Variants in PLXNA1 observed in about 807,000 individuals in gnomAD.
PLXNA1 encodes plexin-A1.
In PLXNA1, 77 loss-of-function variants were observed where a neutral mutation model predicts 191.7. The ratio of observed to expected loss-of-function variants is 0.40; its 90% CI spans 0.33 to 0.49. The LOEUF (loss-of-function observed/expected upper bound fraction) is 0.49, where lower values mean the gene tolerates loss of function less well. Ranked by LOEUF, PLXNA1 falls within the 20% of genes least tolerant of loss-of-function variation. The probability of loss-of-function intolerance (pLI) is 0.63; values close to 1 mark genes in which losing one functional copy is unlikely to be tolerated. For synonymous variants in PLXNA1, 1,137 were observed against 1,156.4 expected (o/e 0.98, Z 0.34); for missense variants, 2,110 against 2,660.2 (o/e 0.79, Z 4.55).
intron 3 of PLXNA1, among the ~76,000 whole-genome samples, chr3:127,000,615 T>A (rs1157778778): frequency 6.6e-6 from 1 of 152,160 alleles, no homozygotes; most frequent in Admixed American, 6.5e-5. Context: ...GGGCCCAAGG[T>A]TCCTCTGGCA....
intron 20 of PLXNA1, among the ~76,000 whole-genome samples, chr3:127,019,641 T>C (rs188273038): frequency 1.4e-4 from 22 of 152,348 alleles, no homozygotes; most frequent in African/African-American, 5.3e-4. Context: ...TCCTTTGGCT[T>C]CTGATCAGAT....
chr3:127,017,400 C>G, intron 17 of PLXNA1, 25 bp from the exon 18 acceptor site: 2 of 1,605,676 alleles, frequency 1.2e-6, no homozygotes, highest in Non-Finnish European at 1.7e-6. Flanking sequence ...AGGTCCCGCC[C>G]AGCATCCCCA....
At position 126,991,805 on chromosome 3, in the gene PLXNA1, G is replaced by A. The variant is rs189947736; in HGVS notation, c.1377+239G>A. 1.9e-3 allele frequency among the ~76,000 whole-genome samples: 286 copies of A among 152,312 alleles called. 1 individual carries two copies. Among genetic ancestry groups the A allele is most frequent in the African/African-American group, 6.5e-3 (272 of 41,578 alleles). ...CTAAGCAAGGACACTTTGAGACCAC[G>A]CAGGAGCCTGTGCAGGGGCCCAGGG... On this transcript the variant is annotated intron_variant, in intron 3 of 31. Coordinates refer to ENST00000393409, the MANE Select transcript of PLXNA1 (RefSeq NM_032242.4).
At chr3:127,016,433 TC>T in intron 15 of PLXNA1, 83 bp from the exon 16 acceptor site, 1 of 1,247,204 alleles carries the variant, frequency 8.0e-7, no homozygotes, top group South Asian at 1.3e-5. Flanking sequence ...ATGGCGCTGT[TC>T]CCACCGTCCC....
chr3:127,018,208 TG>T, intron 19 of PLXNA1, 85 bp from the exon 20 acceptor site: 1 of 1,196,252 alleles, frequency 8.4e-7, no homozygotes, highest in Non-Finnish European at 1.2e-6. Context: ...AGGCAGGTGT[TG>T]GGGGTGGGTC....
intron 1 of PLXNA1, among the ~76,000 whole-genome samples, chr3:126,985,117 G>A (rs1028154446): frequency 7.9e-5 from 12 of 152,180 alleles, no homozygotes; most frequent in Admixed American, 7.2e-4. Context: ...GAGGACTTGG[G>A]GGGATTGGAC....
intron 1 of PLXNA1, among the ~76,000 whole-genome samples, chr3:126,984,538 C>T (rs13317276): frequency 1.3e-5 from 2 of 152,250 alleles, no homozygotes; most frequent in Non-Finnish European, 2.9e-5. Flanking sequence ...AAGATGCTGC[C>T]CGGCCCTTGA....
Position 127,012,175 on chromosome 3 carries a change from A to AGGGGCTG in PLXNA1, c.2313+23_2313+29dup. The AGGGGCTG allele has an allele frequency of 6.2e-7, 1 of 1,606,722 alleles. No homozygotes were observed. The highest frequency in any genetic ancestry group is 1.3e-5 in the African/African-American group (1 of 74,902). On this transcript the variant is annotated intron_variant, in intron 10 of 31. Coordinates refer to ENST00000393409, the MANE Select transcript of PLXNA1 (RefSeq NM_032242.4). ...AATTCCTCGGTGAGGTGGCCAGGGC[A>AGGGGCTG]GGGGCTGGGGGCCGTGAGCCGGAAT...
In PLXNA1 at chr3:127,018,464, A is replaced by G. The variant is rs573845110; in HGVS notation, c.3831A>G (p.Thr1277=). ...YKRKSRDADR[T]LKRLQLQMDN... ...GCAAGTCACGAGATGCTGACCGCAC[A>G]CTCAAGCGGCTGCAGCTCCAGATGG... The change falls in exon 20 of 32, where the codon ACA becomes ACG. Residue 1277 remains threonine (T), a synonymous_variant. Coordinates refer to ENST00000393409, the MANE Select transcript of PLXNA1 (RefSeq NM_032242.4). 10 of 1,612,902 alleles carry G rather than the reference A, an allele frequency of 6.2e-6. No homozygotes were observed. The Admixed American group carries it at 1.5e-4, about 24-fold the overall frequency.
rs1415007579 is a variant in PLXNA1, at chr3:127,034,078, A to G, written c.*61A>G. ...AGGACAGCTGAGCAGGGACCGGGACAGCCCTCACCGCATGCGTGTGGAGTG... is the reference window on the plus strand; with the variant it reads ...AGGACAGCTGAGCAGGGACCGGGACGGCCCTCACCGCATGCGTGTGGAGTG... On this transcript the variant is annotated 3_prime_UTR_variant, in exon 32 of 32. Transcript: ENST00000393409. 1.5e-5 allele frequency: 22 copies of G among 1,438,636 alleles called. No individual in the cohort carries two copies. In the Admixed American group the frequency reaches 2.4e-4, roughly 16 times the overall value. The allele number at this position is 1,438,636 out of a possible 1,614,324, so 89.1% of individuals were successfully genotyped here.
At chr3:126,996,871 G>A (rs1370981602) in intron 3 of PLXNA1, among the ~76,000 whole-genome samples, 1 of 152,176 alleles carries the variant, frequency 6.6e-6, no homozygotes, top group Non-Finnish European at 1.5e-5. Context: ...CTGCAGGAGG[G>A]TCCTGTGCCC....
At chr3:126,994,011 TC>T (rs1559954592) in intron 3 of PLXNA1, among the ~76,000 whole-genome samples, 1 of 152,134 alleles carries the variant, frequency 6.6e-6, no homozygotes, top group Admixed American at 6.5e-5. Context: ...AGCCTTGGTG[TC>T]TCCTCGTACC....
rs529893163 is a variant in PLXNA1 at position 126,992,983 on chromosome 3, A to G, written c.1377+1417A>G. On this transcript the variant is annotated intron_variant, in intron 3 of 31. Transcript: ENST00000393409. ...TGCTTGTGTGGAAGCCCAGTGCAGC[A>G]GCTTAGAGACATTTTGTGGGGCGCC... 4.6e-5 allele frequency among the ~76,000 whole-genome samples: 7 copies of G among 152,214 alleles called. No individual in the cohort carries two copies. The South Asian group carries it at 1.4e-3, about 32-fold the overall frequency.
rs749170676 is a variant in PLXNA1 at position 127,004,928 on chromosome 3, C to T, written c.1663C>T (p.Arg555Cys). Residue 555 changes from arginine to cysteine, a missense_variant, in exon 6 of 32, where the codon CGC becomes TGC. By Grantham distance (180) the Arg-to-Cys change is radical. Around this residue, in one of 4 missense-constraint regions of PLXNA1, gnomAD observed 903 missense variants for 1,015.7 expected, o/e 0.89. Transcript: ENST00000393409. The part of the protein sequence containing the change: ...DACERADEPQ[R>C]FAADLLQCVQ... ...CTGTGAGCGAGCAGACGAGCCCCAG[C>T]GCTTTGCTGCGGACCTGCTGCAGTG... 7 of 1,608,340 alleles carry T rather than the reference C, an allele frequency of 4.4e-6. No individual in the cohort carries two copies. Among genetic ancestry groups the T allele is most frequent in the East Asian group, 2.2e-5 (1 of 44,724 alleles).
Position 127,029,659 on chromosome 3 carries a change from C to G in PLXNA1, c.4870+123C>G, listed in dbSNP as rs1451777542. 4.3e-6 allele frequency: 5 copies of G among 1,154,780 alleles called. No individual in the cohort carries two copies. The African/African-American group carries it at 7.6e-5, about 18-fold the overall frequency. 71.5% of individuals were successfully genotyped at this position (1,154,780 alleles called of 1,614,324 possible). ...ACCCAGGGGCAGGTGTCAAGCCTGT[C>G]ACTCGCACTCTTGGCCTTACCCTCC... is the stretch of plus-strand genomic sequence containing the variant. On this transcript the variant is annotated intron_variant, in intron 27 of 31. Transcript: ENST00000393409.
At chr3:127,028,438 C>G in intron 25 of PLXNA1, 98 bp downstream of exon 25, 1 of 1,348,224 alleles carries the variant, frequency 7.4e-7, no homozygotes, top group South Asian at 1.5e-5. Context: ...CCAGGCCAGT[C>G]CTCCACACCA....
chr3:127,018,206 G>A (rs914351980), intron 19 of PLXNA1, 88 bp from the exon 20 acceptor site: 1 of 1,193,804 alleles, frequency 8.4e-7, no homozygotes, highest in Non-Finnish European at 1.2e-6. Context: ...ACAGGCAGGT[G>A]TTGGGGGTGG....
At position 127,032,956 on chromosome 3, in the gene PLXNA1, T is replaced by G; in HGVS notation, c.5595+120T>G. On this transcript the variant is annotated intron_variant, in intron 31 of 31. Transcript: ENST00000393409. The stretch of plus-strand genomic sequence containing the variant: ...ATCTCTGGGCTGCCACTGACCACCT[T>G]CACTCCTCTGCACCCTCTGGCCACC... The G allele has an allele frequency of 2.7e-6, 3 of 1,101,032 alleles. No homozygotes were observed. In the Admixed American group the frequency reaches 6.4e-5, roughly 24 times the overall value. 68.2% of individuals were successfully genotyped at this position (1,101,032 alleles called of 1,614,324 possible). A position where few individuals can be genotyped will look rare whatever the true frequency, so the allele number is the denominator to read the frequency against.
Position 127,004,673 on chromosome 3 carries a change from A to C in PLXNA1, c.1581A>C (p.Ser527=). Residue 527 remains serine (S), a synonymous_variant, in exon 5 of 32, where the codon TCA becomes TCC. Coordinates refer to ENST00000393409, the MANE Select transcript of PLXNA1 (RefSeq NM_032242.4). ...QYTSCELCLG[S]RDPHCGWCVL... ...CGTCCTGTGAGCTGTGTCTGGGGTC[A>C]CGGGACCCCCACTGTGGCTGGTGTG... The C allele has an allele frequency of 6.3e-7, 1 of 1,590,964 alleles. No individual in the cohort carries two copies. Among genetic ancestry groups the C allele is most frequent in the Non-Finnish European group, 8.6e-7 (1 of 1,169,080 alleles).
Sources: allele counts gnomAD v4.1 joint callset (sites outside exome capture counted in the v4.1 genomes callset), GRCh38; gene constraint gnomAD v4.1.1; regional missense constraint gnomAD v4.1.1; transcripts MANE v1.5; gene names NCBI Gene and HGNC (gene_info 2026-07-23, HGNC 2026-07-21).